Variants in CLIP1 observed in about 807,000 individuals in gnomAD.
CLIP1 encodes the protein CAP-Gly domain-containing linker protein 1.
CLIP1 carries 66 observed loss-of-function variants against 161.6 expected under a neutral mutation model. That is an observed-to-expected ratio of 0.41 (90% CI 0.33 to 0.50). The LOEUF is 0.50. CLIP1 is among the 20% of genes least tolerant of loss of function. CLIP1 has a pLI of 0.27. For missense variants in CLIP1, 1,376 were observed against 1,702.0 expected, an observed-to-expected ratio of 0.81 and a Z score of 3.37; for synonymous variants, 598 against 626.2, an observed-to-expected ratio of 0.96 and a Z score of 0.67.
chr12:122,395,571 G>GA (rs755636772), intron 1 of CLIP1: 1 of 152,142 alleles, frequency 6.6e-6, no homozygotes, highest in African/African-American at 2.4e-5. Context: ...GATGACTCAA[G>GA]AAATGTCCTT....
intron 20 of CLIP1, among the ~76,000 whole-genome samples, chr12:122,302,679 C>T (rs1175625969): frequency 6.6e-6 from 1 of 151,872 alleles, no homozygotes; most frequent in Non-Finnish European, 1.5e-5. Context: ...CTCACTGCAA[C>T]CTCCACCTCC....
intron 3 of CLIP1, among the ~76,000 whole-genome samples, chr12:122,366,587 T>C (rs564797905): frequency 6.6e-6 from 1 of 152,340 alleles, no homozygotes; most frequent in South Asian, 2.1e-4. Context: ...AGGTCTGTAA[T>C]TCCAACACTT....
intron 1 of CLIP1, among the ~76,000 whole-genome samples, chr12:122,394,946 T>C (rs983018211): frequency 1.2e-4 from 19 of 152,170 alleles, no homozygotes; most frequent in African/African-American, 4.3e-4. Context: ...ACACCTTTTC[T>C]TCCAACTCCA....
At chr12:122,354,366 G>A in intron 7 of CLIP1, 87 bp downstream of exon 7, 1 of 961,058 alleles carries the variant, frequency 1.0e-6, no homozygotes, top group African/African-American at 1.6e-5. Context: ...CTGCACTGCA[G>A]CCTGGGCAAC....
At chr12:122,375,334 T>C (rs1464853770) in intron 3 of CLIP1, among the ~76,000 whole-genome samples, 1 of 151,926 alleles carries the variant, frequency 6.6e-6, no homozygotes, top group Non-Finnish European at 1.5e-5. Context: ...TTTTTTTCTT[T>C]GACATAGAGT....
intron 15 of CLIP1, among the ~76,000 whole-genome samples, chr12:122,329,317 ACT>A (rs763722774): frequency 2.0e-5 from 3 of 151,644 alleles, no homozygotes; most frequent in Non-Finnish European, 4.4e-5. Context: ...ACAAAGCAAG[ACT>A]CTGCCTCAAT....
Position 122,398,789 on chromosome 12 carries a change from G to A in CLIP1, c.-106-18231C>T, listed in dbSNP as rs552473099. Among the ~76,000 whole-genome samples, 10 of 151,924 alleles carry A rather than the reference G, an allele frequency of 6.6e-5. No homozygotes were observed. In the South Asian group the frequency reaches 1.9e-3, roughly 28 times the overall value. The stretch of plus-strand genomic sequence containing the variant: ...CTTCGGAGACTGAGGTGGGAGGATC[G>A]CTTGAGCCCAGGAGATTGAGTCCAG... On this transcript the variant is annotated intron_variant, in intron 1 of 25. Coordinates refer to ENST00000620786, the MANE Select transcript of CLIP1 (RefSeq NM_001247997.2).
In CLIP1 at chr12:122,341,467, G is replaced by A. The variant is rs1380268201; in HGVS notation, c.1737C>T (p.Ala579=). ...EITSLKEHFG[A]REETHQKEIK... ...TCTCCTTCTGATGAGTTTCTTCCCG[G>A]GCTCCAAAATGCTCCTTCAGAGAAG... Residue 579 remains alanine, a synonymous_variant, in exon 11 of 26, where the codon GCC becomes GCT. Transcript: ENST00000620786. The A allele has an allele frequency of 6.2e-7, 1 of 1,613,162 alleles. No individual in the cohort carries two copies. Among genetic ancestry groups the A allele is most frequent in the East Asian group, 2.2e-5 (1 of 44,864 alleles).
chr12:122,416,179 G>A (rs1397200866), intron 1 of CLIP1, among the ~76,000 whole-genome samples: 1 of 152,156 alleles, frequency 6.6e-6, no homozygotes, highest in African/African-American at 2.4e-5. Context: ...AGAGGTTGCA[G>A]TGAGCCAAGA....
At chr12:122,316,697 T>G (rs1413157368) in intron 19 of CLIP1, 52 bp downstream of exon 19, 11 of 1,122,892 alleles carry the variant, frequency 9.8e-6, no homozygotes, top group Non-Finnish European at 3.8e-6. Context: ...TGTGTTCACA[T>G]TTTCAATTTA....
chr12:122,278,131 A>C, intron 24 of CLIP1, 23 bp downstream of exon 24: 3 of 1,603,412 alleles, frequency 1.9e-6, no homozygotes, highest in Non-Finnish European at 8.5e-7. Context: ...CAAGAAAGTA[A>C]AGCAATAAGG....
At chr12:122,302,075 G>A (rs1011131392) in intron 20 of CLIP1, among the ~76,000 whole-genome samples, 10 of 151,824 alleles carry the variant, frequency 6.6e-5, no homozygotes, top group South Asian at 2.1e-4. Context: ...TGATTTTTCC[G>A]CCTGGGCACT....
At chr12:122,390,293 T>TGTATATATATATTATAC (rs1566214816) in intron 1 of CLIP1, among the ~76,000 whole-genome samples, 2 of 133,290 alleles carry the variant, frequency 1.5e-5, no homozygotes, top group African/African-American at 2.8e-5. Context: ...TATATATATA[T>TGTATATATATATTATAC]ATATATATAT....
At chr12:122,337,939 T>C (rs1593103226) in intron 11 of CLIP1, among the ~76,000 whole-genome samples, 2 of 148,822 alleles carry the variant, frequency 1.3e-5, no homozygotes, top group African/African-American at 5.0e-5. Context: ...CGCTTGAACC[T>C]GGGAGGTGGA....
chr12:122,372,598 A>C (rs919754022), intron 3 of CLIP1, among the ~76,000 whole-genome samples: 9 of 152,106 alleles, frequency 5.9e-5, no homozygotes, highest in South Asian at 2.1e-4. Context: ...TTAAAAAAAA[A>C]AAAACAAAAC....
intron 19 of CLIP1, among the ~76,000 whole-genome samples, chr12:122,310,874 G>A (rs1951037909): frequency 6.6e-6 from 1 of 152,018 alleles, no homozygotes; most frequent in Non-Finnish European, 1.5e-5. Context: ...GGCAGTTCTC[G>A]GCACATTCGA....
chr12:122,382,978 T>C (rs1355666081), intron 1 of CLIP1, among the ~76,000 whole-genome samples: 1 of 152,124 alleles, frequency 6.6e-6, no homozygotes, highest in East Asian at 1.9e-4. Flanking sequence ...CCACACAGCT[T>C]GCAAGTTTCA....
chr12:122,306,998 CTTTTTTTTTTTTTT>C lies in CLIP1; in HGVS notation c.3594+2750_3594+2763del, dbSNP rs56949793. ...TATCTGTGTATCCTTGGTAAGTTCA[CTTTTTTTTTTTTTT>C]TTTTTTTTTTTTTTTGAGACAGAGT... On this transcript the variant is annotated intron_variant, in intron 20 of 25. Coordinates refer to ENST00000620786, the MANE Select transcript of CLIP1 (RefSeq NM_001247997.2). Among the ~76,000 whole-genome samples, 19 of 81,014 alleles carry C rather than the reference CTTTTTTTTTTTTTT, an allele frequency of 2.3e-4. 1 individual carries two copies. Among genetic ancestry groups the C allele is most frequent in the Admixed American group, 7.8e-4 (5 of 6,428 alleles). The allele number at this position is 81,014 out of a possible 152,430, so 53.1% of individuals were successfully genotyped here.
At chr12:122,363,206 C>T (rs1395713815) in intron 4 of CLIP1, among the ~76,000 whole-genome samples, 3 of 152,106 alleles carry the variant, frequency 2.0e-5, no homozygotes, top group Admixed American at 6.6e-5. Context: ...GAGGCAAGAA[C>T]GGGGTTATCC....
Sources: allele counts gnomAD v4.1 joint callset (sites outside exome capture counted in the v4.1 genomes callset), GRCh38; gene constraint gnomAD v4.1.1; transcripts MANE v1.5; gene names NCBI Gene and HGNC (gene_info 2026-07-23, HGNC 2026-07-21).